The following DYNC2I2 variants were observed in gnomAD, a reference collection of about 807,000 sequenced individuals.
DYNC2I2 encodes dynein 2 intermediate chain 2, also known as cytoplasmic dynein 2 intermediate chain 2.
DYNC2I2 carries 39 observed loss-of-function variants against 52.0 expected under a neutral mutation model. That is an observed-to-expected ratio of 0.75 (90% confidence interval 0.58 to 0.98). DYNC2I2 has a LOEUF of 0.98. Ranked by LOEUF, DYNC2I2 falls within the 50% of genes least tolerant of loss-of-function variation. The pLI is 0.00. For missense variants in DYNC2I2, 743 were observed against 728.4 expected, an observed-to-expected ratio of 1.02 and a Z score of -0.23; for synonymous variants, 359 against 321.1, an observed-to-expected ratio of 1.12 and a Z score of -1.26.
chr9:128,634,130 A>T (rs1860295355), intron 8 of DYNC2I2, 96 bp downstream of exon 8: 1 of 1,575,780 alleles, frequency 6.3e-7, no homozygotes. Context: ...CCTTACCCCC[A>T]TGTGTGGTCT....
chr9:128,671,609 A>G, the DYNC2I2 span, among the ~76,000 whole-genome samples: 1 of 149,508 alleles, frequency 6.7e-6, no homozygotes, highest in Non-Finnish European at 1.5e-5. Flanking sequence ...AGTAGCTGGG[A>G]CTACAGGTGC....
the DYNC2I2 span, chr9:128,683,873 G>A: frequency 1.3e-6 from 2 of 1,539,592 alleles, no homozygotes; most frequent in South Asian, 1.2e-5. Flanking sequence ...CTCGTGGTCT[G>A]GTTCTGGGAC....
intron 1 of DYNC2I2, among the ~76,000 whole-genome samples, chr9:128,653,639 C>T (rs1370763224): frequency 6.6e-6 from 1 of 151,026 alleles, no homozygotes; most frequent in African/African-American, 2.5e-5. Flanking sequence ...TCGCTTGAAG[C>T]CGGGAGGCGG....
the DYNC2I2 span, among the ~76,000 whole-genome samples, chr9:128,674,119 AT>A: frequency 1.3e-5 from 2 of 149,150 alleles, no homozygotes; most frequent in African/African-American, 5.0e-5. Flanking sequence ...TCGCTAGCTA[AT>A]TTTTTTTGTT....
rs769045630 is a variant in DYNC2I2 at position 128,633,924 on chromosome 9, C to T, written c.1431G>A (p.Lys477=). 55 of 1,613,206 alleles carry T rather than the reference C, an allele frequency of 3.4e-5. No individual in the cohort carries two copies. The East Asian group carries it at 1.2e-3, about 34-fold the overall frequency. Residue 477 remains lysine (K), a synonymous_variant, in exon 9 of 9, where the codon AAG becomes AAA. Coordinates refer to ENST00000372715, the MANE Select transcript of DYNC2I2 (RefSeq NM_052844.4). ...AGACAGGGCTTTCATCCTGGGTTTG[C>T]TTGATCAAAACTGTGGGTTTCTGGG... ...KSSQKPTVLI[K]QTQDESPVYC... is the part of the protein sequence containing the mutation.
At chr9:128,652,538 G>A (rs1481630658) in intron 1 of DYNC2I2, among the ~76,000 whole-genome samples, 1 of 150,006 alleles carries the variant, frequency 6.7e-6, no homozygotes, top group Non-Finnish European at 1.5e-5. Context: ...GAGGAAAATC[G>A]CTTGAACCCG....
intron 1 of DYNC2I2, among the ~76,000 whole-genome samples, chr9:128,655,019 G>A (rs1281751595): frequency 1.3e-5 from 2 of 151,968 alleles, no homozygotes; most frequent in African/African-American, 2.4e-5. Flanking sequence ...CTTCTCTGAT[G>A]AGTCCCCAAC....
At chr9:128,653,725 ACCC>A (rs1378725731) in intron 1 of DYNC2I2, among the ~76,000 whole-genome samples, 7 of 146,940 alleles carry the variant, frequency 4.8e-5, no homozygotes, top group African/African-American at 1.8e-4. Context: ...CCAAAAAAAA[ACCC>A]AGGCCGGGCG....
chr9:128,679,169 T>C, the DYNC2I2 span, among the ~76,000 whole-genome samples: 2 of 152,304 alleles, frequency 1.3e-5, no homozygotes, highest in East Asian at 1.9e-4. Context: ...CACATCTCTG[T>C]GATGAGGTGA....
At chr9:128,669,793 C>T in the DYNC2I2 span, among the ~76,000 whole-genome samples, 1 of 152,164 alleles carries the variant, frequency 6.6e-6, no homozygotes. Context: ...ATTCTCCTGC[C>T]TCAGCCTCCC....
chr9:128,635,619 G>C, intron 5 of DYNC2I2, 39 bp downstream of exon 5: 1 of 1,548,064 alleles, frequency 6.5e-7, no homozygotes. Flanking sequence ...CCCCAGCTCT[G>C]CCTCAGGGCC....
the DYNC2I2 span, among the ~76,000 whole-genome samples, chr9:128,668,824 G>GA: frequency 2.1e-3 from 237 of 110,676 alleles, no homozygotes; most frequent in Middle Eastern, 4.7e-3. Flanking sequence ...TAAAAAAAAG[G>GA]AAAAAAAAAA....
In DYNC2I2 at chr9:128,633,723, G is replaced by C; in HGVS notation, c.*21C>G. On this transcript the variant is annotated 3_prime_UTR_variant, in exon 9 of 9. Transcript: ENST00000372715. Reference sequence around the variant, plus strand: ...ACAAGGCTCGGCACAGCGAAGGCTTGCACCCGCCTCCCGGGACCCCTCAGG... The same window carrying C: ...ACAAGGCTCGGCACAGCGAAGGCTTCCACCCGCCTCCCGGGACCCCTCAGG... 1.2e-6 allele frequency: 2 copies of C among 1,606,920 alleles called. No homozygotes were observed. Among genetic ancestry groups the C allele is most frequent in the Non-Finnish European group, 1.7e-6 (2 of 1,177,470 alleles).
the DYNC2I2 span, among the ~76,000 whole-genome samples, chr9:128,664,948 A>C: frequency 6.6e-6 from 1 of 151,944 alleles, no homozygotes; most frequent in Admixed American, 6.6e-5. Flanking sequence ...ACATAGCAAG[A>C]TCCCATCTCT....
At chr9:128,684,225 T>A in the DYNC2I2 span, among the ~76,000 whole-genome samples, 3 of 152,030 alleles carry the variant, frequency 2.0e-5, no homozygotes, top group Non-Finnish European at 4.4e-5. Flanking sequence ...AACTCAACAC[T>A]GACCCCTGAG....
intron 7 of DYNC2I2, 103 bp downstream of exon 7, chr9:128,634,586 G>GA: frequency 7.4e-7 from 1 of 1,345,828 alleles, no homozygotes; most frequent in Non-Finnish European, 1.0e-6. Context: ...AGAGTGGGCA[G>GA]AAGGCAAGCA....
Position 128,633,942 on chromosome 9 carries a change from T to A in DYNC2I2, c.1413A>T (p.Lys471Asn), listed in dbSNP as rs1564336829. 2 of 1,613,076 alleles carry A rather than the reference T, an allele frequency of 1.2e-6. No individual in the cohort carries two copies. Among genetic ancestry groups the A allele is most frequent in the African/African-American group, 2.7e-5 (2 of 75,036 alleles). Residue 471 changes from lysine (K) to asparagine (N), a missense_variant, in exon 9 of 9, where the codon AAA becomes AAT. Physicochemically the swap from Lys to Asn is moderately conservative, Grantham distance 94. Coordinates refer to ENST00000372715, the MANE Select transcript of DYNC2I2 (RefSeq NM_052844.4). ...GGGTTTGCTTGATCAAAACTGTGGG[T>A]TTCTGGGAGCTTTTCTGGAGATCAA... is the stretch of plus-strand genomic sequence containing the variant. ...QLFDLQKSSQ[K>N]PTVLIKQTQD... is the part of the protein sequence containing the mutation.
intron 1 of DYNC2I2, among the ~76,000 whole-genome samples, chr9:128,642,757 A>G (rs1182681317): frequency 6.6e-6 from 1 of 152,152 alleles, no homozygotes; most frequent in Non-Finnish European, 1.5e-5. Context: ...TCCATTTCAA[A>G]AAAAAAAATT....
the DYNC2I2 span, among the ~76,000 whole-genome samples, chr9:128,668,053 C>T: frequency 1.3e-4 from 15 of 112,974 alleles, 1 homozygote; most frequent in East Asian, 5.4e-4. Context: ...TTCTGCCTCC[C>T]AGGTTCAAGC....
Sources: gnomAD v4.1 joint callset for allele counts (sites outside exome capture counted in the v4.1 genomes callset) on GRCh38, gnomAD v4.1.1 for gene constraint, MANE v1.5 for transcripts, NCBI Gene and HGNC (gene_info 2026-07-23, HGNC 2026-07-21) for gene names.